Variants in MARCO observed in about 807,000 individuals in gnomAD.
MARCO encodes the protein macrophage receptor with collagenous structure.
A neutral mutation model predicts 70.0 loss-of-function variants in MARCO; 72 were observed. The observed-to-expected ratio is 1.03, with a 90% CI of 0.85 to 1.25. The LOEUF is 1.25. Among genes scored for constraint, MARCO ranks in the 50% most tolerant of loss-of-function variants. MARCO has a pLI of 0.00. For synonymous variants in MARCO, 273 were observed against 243.1 expected, an observed-to-expected ratio of 1.12 and a Z score of -1.14; for missense variants, 696 against 659.3, an observed-to-expected ratio of 1.06 and a Z score of -0.61.
chr2:118,959,872 A>G (rs1172509419), intron 1 of MARCO, among the ~76,000 whole-genome samples: 1 of 152,178 alleles, frequency 6.6e-6, no homozygotes, highest in African/African-American at 2.4e-5. Flanking sequence ...GGAATGGAAA[A>G]CGAAACATCA....
chr2:118,990,541 C>G (rs543299098), intron 12 of MARCO, 48 bp from the exon 13 acceptor site: 1 of 1,581,978 alleles, frequency 6.3e-7, no homozygotes, highest in South Asian at 1.1e-5. Flanking sequence ...TGTCTAATAC[C>G]TAAGTTTTAT....
intron 16 of MARCO, 131 bp from the exon 17 acceptor site, chr2:118,994,256 C>T (rs1294681482): frequency 1.8e-5 from 17 of 952,918 alleles, no homozygotes; most frequent in Admixed American, 9.9e-5. Context: ...CACATTGGGC[C>T]GGAATGGGCC....
At position 118,970,178 on chromosome 2, in the gene MARCO, T is replaced by C. The variant is rs762210418; in HGVS notation, c.264T>C (p.Ala88=). ...EMYFLNDTLA[A]EDSPSFSLLQ... ...ATTTCCTCAATGACACTCTGGCGGC[T>C]GAGGACAGCCCGTCCTTCTCCTTGC... Residue 88 remains alanine (A), a synonymous_variant, in exon 3 of 17, where the codon GCT becomes GCC. Coordinates refer to ENST00000327097, the MANE Select transcript of MARCO (RefSeq NM_006770.4). The C allele has an allele frequency of 6.2e-7, 1 of 1,614,156 alleles. No homozygotes were observed. Among genetic ancestry groups the C allele is most frequent in the Non-Finnish European group, 8.5e-7 (1 of 1,180,034 alleles).
At chr2:118,959,168 G>T (rs768682648) in intron 1 of MARCO, among the ~76,000 whole-genome samples, 1 of 151,994 alleles carries the variant, frequency 6.6e-6, no homozygotes, top group East Asian at 1.9e-4. Context: ...GCTTTTGCAC[G>T]GCAAAAGGAA....
Position 118,977,892 on chromosome 2 carries a change from G to A in MARCO, c.723G>A (p.Gly241=). The stretch of plus-strand genomic sequence containing the variant: ...ATGGGGGTCTCATTGGCCCAAAAGG[G>A]GAAACTGGAACTAAGGGAGAGAAAG... ...KGDGGLIGPK[G]ETGTKGEKGD... is the part of the protein sequence containing the mutation. The change falls in exon 8 of 17, where the codon GGG becomes GGA. Residue 241 remains glycine, a synonymous_variant. Coordinates refer to ENST00000327097, the MANE Select transcript of MARCO (RefSeq NM_006770.4). The A allele has an allele frequency of 1.2e-6, 2 of 1,612,460 alleles. No individual in the cohort carries two copies.
chr2:118,952,998 A>T (rs991210717), intron 1 of MARCO: 2 of 152,224 alleles, frequency 1.3e-5, no homozygotes, highest in Non-Finnish European at 2.9e-5. Flanking sequence ...GAACAAAGGA[A>T]AAGCAGACAT....
chr2:118,943,240 C>T (rs548319036), intron 1 of MARCO, among the ~76,000 whole-genome samples: 3 of 152,160 alleles, frequency 2.0e-5, no homozygotes, highest in Admixed American at 6.5e-5. Flanking sequence ...GAATTTTCAG[C>T]GCACAAAGAT....
chr2:118,992,667 C>CCCTT (rs1680644912), intron 15 of MARCO, among the ~76,000 whole-genome samples, 191 bp downstream of exon 15: 1 of 151,410 alleles, frequency 6.6e-6, no homozygotes, highest in African/African-American at 2.4e-5. Context: ...GCCACTCTCT[C>CCCTT]CCTTCCTTCC....
In MARCO at chr2:118,990,624, G is replaced by A; in HGVS notation, c.1099G>A (p.Gly367Arg). Reference sequence around the variant, plus strand: ...ACAGCAAGGAAGAAAAGGAGAATCAGGAGTTCCAGGTAAAGGGCAGGCTGC... The same window carrying A: ...ACAGCAAGGAAGAAAAGGAGAATCAAGAGTTCCAGGTAAAGGGCAGGCTGC... Reference protein sequence around the residue: ...QGQQGRKGESGVPGPAGVKGE... With the variant: ...QGQQGRKGESRVPGPAGVKGE... Residue 367 changes from glycine (G) to arginine (R), a missense_variant, in exon 13 of 17, where the codon GGA becomes AGA. Around this residue, in one of 3 missense-constraint regions of MARCO, gnomAD observed 605 missense variants for 537.6 expected, o/e 1.13. Transcript: ENST00000327097. 6.4e-7 allele frequency: 1 copy of A among 1,564,842 alleles called. No homozygotes were observed. The highest frequency in any genetic ancestry group is 8.7e-7 in the Non-Finnish European group (1 of 1,148,032).
chr2:118,984,649 T>C (rs778310939), intron 12 of MARCO, among the ~76,000 whole-genome samples: 4 of 152,242 alleles, frequency 2.6e-5, no homozygotes, highest in Non-Finnish European at 4.4e-5. Flanking sequence ...ATAATCTGGC[T>C]AATTTAGCTG....
At position 118,970,331 on chromosome 2, in the gene MARCO, GA is replaced by G; in HGVS notation, c.419del (p.Asn140ThrfsTer124). 1 of 1,611,762 alleles carries G rather than the reference GA, an allele frequency of 6.2e-7. No homozygotes were observed. Among genetic ancestry groups the G allele is most frequent in the Non-Finnish European group, 8.5e-7 (1 of 1,178,900 alleles). ...LLQRVDNFTQ[N>X]PGMFRIKGEQ... ...TGCAGCGGGTAGACAACTTCACTCAGAACCCAGGTTTGGCCTCCTCCCCTCT... is the reference window on the plus strand; with the variant it reads ...TGCAGCGGGTAGACAACTTCACTCAGACCCAGGTTTGGCCTCCTCCCCTCT... On this transcript the variant is annotated frameshift_variant, in exon 3 of 17. Coordinates refer to ENST00000327097, the MANE Select transcript of MARCO (RefSeq NM_006770.4). LOFTEE classifies it high-confidence loss of function.
At chr2:118,977,003 G>C (rs1680294893) in intron 6 of MARCO, among the ~76,000 whole-genome samples, 1 of 152,208 alleles carries the variant, frequency 6.6e-6, no homozygotes, top group Admixed American at 6.5e-5. Flanking sequence ...CTTCTGGTGA[G>C]GGCCTTGTGT....
chr2:118,974,345 A>G lies in MARCO; in HGVS notation c.473A>G (p.His158Arg). 6.2e-7 allele frequency: 1 copy of G among 1,601,060 alleles called. No homozygotes were observed. Among genetic ancestry groups the G allele is most frequent in the Non-Finnish European group, 8.5e-7 (1 of 1,173,616 alleles). ...GEQGAPGLQG[H>R]KGAMGMPGAP... ...TCCTCTTCCTCAGGTCTTCAAGGTC[A>G]CAAGGGGGCCATGGGCATGCCTGGT... The change falls in exon 5 of 17, where the codon CAC becomes CGC. Residue 158 changes from histidine to arginine, a missense_variant. Coordinates refer to ENST00000327097, the MANE Select transcript of MARCO (RefSeq NM_006770.4).
chr2:118,973,209 T>C (rs953306083), intron 4 of MARCO, among the ~76,000 whole-genome samples: 3 of 152,128 alleles, frequency 2.0e-5, no homozygotes, highest in African/African-American at 7.2e-5. Flanking sequence ...ACTCTCTCTC[T>C]CCATGTCTCT....
intron 4 of MARCO, among the ~76,000 whole-genome samples, chr2:118,972,133 G>A (rs773939211): frequency 5.3e-5 from 8 of 152,300 alleles, no homozygotes; most frequent in Non-Finnish European, 8.8e-5. Context: ...GCCTCACAGA[G>A]TTGCTGTAGG....
chr2:118,973,837 T>C (rs1237824647), intron 4 of MARCO, among the ~76,000 whole-genome samples: 1 of 152,180 alleles, frequency 6.6e-6, no homozygotes, highest in African/African-American at 2.4e-5. Context: ...CCTGGACTTC[T>C]TTCCTTCCTC....
intron 6 of MARCO, among the ~76,000 whole-genome samples, chr2:118,976,103 C>T (rs143230793): frequency 6.6e-6 from 1 of 152,292 alleles, no homozygotes; most frequent in East Asian, 1.9e-4. Flanking sequence ...GGAGCACAGT[C>T]ATTTCCTTCA....
In MARCO at chr2:118,942,322, A is replaced by G. The variant is rs1679518912; in HGVS notation, c.22A>G (p.Lys8Glu). The G allele has an allele frequency of 6.2e-7, 1 of 1,613,568 alleles. No homozygotes were observed. Among genetic ancestry groups the G allele is most frequent in the Non-Finnish European group, 8.5e-7 (1 of 1,179,598 alleles). The change falls in exon 1 of 17, where the codon AAG becomes GAG. Residue 8 changes from lysine to glutamate, a missense_variant. Coordinates refer to ENST00000327097, the MANE Select transcript of MARCO (RefSeq NM_006770.4). ...GGCAATGAGAAATAAGAAAATTCTC[A>G]AGGAGGACGAGCTCTTGAGTGAGAC... MRNKKIL[K>E]EDELLSETQQ...
chr2:118,977,499 G>A lies in MARCO; in HGVS notation c.642G>A (p.Gly214=), dbSNP rs1680306549. ...AGLQGPQGAP[G]KQGATGTPGP... ...TCCAAGGACCCCAGGGTGCTCCAGG[G>A]AAGCAAGGAGCCACTGGTAACTTGT... is the stretch of plus-strand genomic sequence containing the variant. The change falls in exon 7 of 17, where the codon GGG becomes GGA. Residue 214 remains glycine (G), a synonymous_variant. Coordinates refer to ENST00000327097, the MANE Select transcript of MARCO (RefSeq NM_006770.4). The A allele has an allele frequency of 6.2e-7, 1 of 1,613,944 alleles. No individual in the cohort carries two copies.
Sources: gnomAD v4.1 joint callset for allele counts (sites outside exome capture counted in the v4.1 genomes callset) on GRCh38, gnomAD v4.1.1 for gene constraint, gnomAD v4.1.1 regional missense constraint, MANE v1.5 for transcripts, NCBI Gene and HGNC (gene_info 2026-07-23, HGNC 2026-07-21) for gene names.